The following FAT3 variants were observed in gnomAD, a reference collection of about 807,000 sequenced individuals.
The protein encoded by FAT3 is FAT atypical cadherin 3, also known as protocadherin Fat 3.
Under a neutral mutation model 310.2 loss-of-function variants are expected in FAT3, and 95 were observed. That is an observed-to-expected ratio of 0.31 (90% confidence interval 0.26 to 0.36). The LOEUF (loss-of-function observed/expected upper bound fraction) is 0.36, where lower values mean the gene tolerates loss of function less well. Among genes scored for constraint, FAT3 ranks in the 10% least tolerant of loss-of-function variants. The pLI is 1.00. For synonymous variants in FAT3, 2,314 were observed against 2,192.9 expected, an observed-to-expected ratio of 1.06 and a Z score of -1.54; for missense variants, 5,408 against 5,715.6, an observed-to-expected ratio of 0.95 and a Z score of 1.74.
rs145580535 is a variant in FAT3, at chr11:92,417,384, A to T, written c.3292+61980A>T. ...TTAGGTGCATTGCTGAGTTATGGGG[A>T]TAACAAAATGAGAAGATATGGTCTC... On this transcript the variant is annotated intron_variant, in intron 2 of 27. Coordinates refer to ENST00000525166, the MANE Select transcript of FAT3 (RefSeq NM_001367949.2). 1.8e-3 allele frequency among the ~76,000 whole-genome samples: 273 copies of T among 152,300 alleles called. 1 individual carries two copies. Among genetic ancestry groups the T allele is most frequent in the African/African-American group, 6.3e-3 (261 of 41,560 alleles).
intron 3 of FAT3, among the ~76,000 whole-genome samples, chr11:92,548,603 T>A (rs956519804): frequency 2.0e-4 from 31 of 152,226 alleles, no homozygotes; most frequent in African/African-American, 7.5e-4. Flanking sequence ...TTTCAAAGCA[T>A]TTTGTAATTT....
At chr11:92,557,417 T>C (rs1313792109) in intron 3 of FAT3, among the ~76,000 whole-genome samples, 1 of 152,194 alleles carries the variant, frequency 6.6e-6, no homozygotes, top group East Asian at 1.9e-4. Flanking sequence ...CAAGGAGCTG[T>C]TCAGATTACT....
At chr11:92,281,250 T>C (rs750297010) in intron 1 of FAT3, among the ~76,000 whole-genome samples, 7 of 152,128 alleles carry the variant, frequency 4.6e-5, no homozygotes, top group Non-Finnish European at 1.0e-4. Context: ...GAAGAGAGAT[T>C]GCAAAAGCTC....
At chr11:92,532,533 C>A (rs1318755507) in intron 3 of FAT3, among the ~76,000 whole-genome samples, 3 of 152,018 alleles carry the variant, frequency 2.0e-5, no homozygotes, top group African/African-American at 7.2e-5. Flanking sequence ...TTTAAAGGCT[C>A]TATGAATACT....
intron 4 of FAT3, among the ~76,000 whole-genome samples, chr11:92,728,779 G>A (rs1945079522): frequency 6.6e-6 from 1 of 152,040 alleles, no homozygotes; most frequent in Non-Finnish European, 1.5e-5. Flanking sequence ...CAGCATCCCT[G>A]ACTTGTGGCC....
rs1955169325 is a variant in FAT3 at position 92,560,126 on chromosome 11, C to T, written c.3607+35178C>T. 2.0e-5 allele frequency among the ~76,000 whole-genome samples: 3 copies of T among 152,088 alleles called. No individual in the cohort carries two copies. In the South Asian group the frequency reaches 6.2e-4, roughly 32 times the overall value. On this transcript the variant is annotated intron_variant, in intron 3 of 27. Transcript: ENST00000525166. ...CACACACTCCTTAAAACTCATCTGA[C>T]TTTTTGTTTTTAGCCATCATACTGG...
chr11:92,855,980 CTTT>C lies in FAT3; in HGVS notation c.11366-1218_11366-1216del, dbSNP rs58995060. Among the ~76,000 whole-genome samples the C allele has an allele frequency of 3.1e-3, 397 of 129,184 alleles. 1 individual carries two copies. The highest frequency in any genetic ancestry group is 7.1e-3 in the African/African-American group (245 of 34,690). 84.7% of individuals were successfully genotyped at this position (129,184 alleles called of 152,430 possible). Reference sequence around the variant, plus strand: ...AATGACTGTACCTTGGGACAATATGCTTTTTTTTTTTTTTTTTTGAGACAGGGT... The same window carrying C: ...AATGACTGTACCTTGGGACAATATGCTTTTTTTTTTTTTTTGAGACAGGGT... On this transcript the variant is annotated intron_variant, in intron 19 of 27. Transcript: ENST00000525166.
intron 3 of FAT3, among the ~76,000 whole-genome samples, chr11:92,626,884 C>T (rs1206329830): frequency 6.6e-6 from 1 of 152,092 alleles, no homozygotes; most frequent in Non-Finnish European, 1.5e-5. Flanking sequence ...ATGGAGGGAG[C>T]CCCCATCATT....
intron 19 of FAT3, among the ~76,000 whole-genome samples, chr11:92,853,600 G>A (rs942035159): frequency 6.6e-6 from 1 of 152,166 alleles, no homozygotes; most frequent in African/African-American, 2.4e-5. Context: ...GGTGAGCAAG[G>A]TGGAGAGGAG....
chr11:92,842,706 T>TACAAAA (rs2136287128), intron 18 of FAT3, among the ~76,000 whole-genome samples: 1 of 152,106 alleles, frequency 6.6e-6, no homozygotes, highest in East Asian at 1.9e-4. Flanking sequence ...GCCTCATCTC[T>TACAAAA]ACAAAAACAA....
chr11:92,594,871 C>T (rs1246731743), intron 3 of FAT3, among the ~76,000 whole-genome samples: 2 of 151,982 alleles, frequency 1.3e-5, no homozygotes. Context: ...TCTAAATGGG[C>T]ATGAGGTAGA....
At chr11:92,396,863 C>A (rs544442307) in intron 2 of FAT3, among the ~76,000 whole-genome samples, 1 of 152,082 alleles carries the variant, frequency 6.6e-6, no homozygotes, top group African/African-American at 2.4e-5. Context: ...CCCACCACCA[C>A]ACCCAGCTAA....
At chr11:92,421,771 C>A (rs1483494765) in intron 2 of FAT3, among the ~76,000 whole-genome samples, 1 of 152,160 alleles carries the variant, frequency 6.6e-6, no homozygotes, top group Non-Finnish European at 1.5e-5. Flanking sequence ...CTCTCCGTCT[C>A]TAAGTGGGGT....
At chr11:92,539,086 C>T (rs1208837102) in intron 3 of FAT3, among the ~76,000 whole-genome samples, 1 of 152,116 alleles carries the variant, frequency 6.6e-6, no homozygotes, top group Non-Finnish European at 1.5e-5. Flanking sequence ...TTTATAAAGA[C>T]ATGCTTCATC....
chr11:92,798,687 T>C lies in FAT3; in HGVS notation c.5674T>C (p.Leu1892=). The C allele has an allele frequency of 6.2e-7, 1 of 1,613,790 alleles. No homozygotes were observed. Among genetic ancestry groups the C allele is most frequent in the Middle Eastern group, 1.6e-4 (1 of 6,062 alleles). ...VFTQAVFETI[L]LLPTYVGVEV... is the part of the protein sequence containing the mutation. ...TACTCAGGCTGTGTTTGAGACTATC[T>C]TACTTCTACCTACCTATGTTGGAGT... is the stretch of plus-strand genomic sequence containing the variant. Residue 1892 remains leucine (L), a synonymous_variant, in exon 10 of 28, where the codon TTA becomes CTA. Coordinates refer to ENST00000525166, the MANE Select transcript of FAT3 (RefSeq NM_001367949.2).
chr11:92,668,531 C>T (rs1306043512), intron 3 of FAT3, among the ~76,000 whole-genome samples: 2 of 152,158 alleles, frequency 1.3e-5, no homozygotes, highest in Admixed American at 1.3e-4. Flanking sequence ...GTGTTGGACT[C>T]ACAAATATGG....
intron 1 of FAT3, among the ~76,000 whole-genome samples, chr11:92,324,068 G>A (rs1947702462): frequency 6.6e-6 from 1 of 152,192 alleles, no homozygotes; most frequent in African/African-American, 2.4e-5. Flanking sequence ...ATTGAAGAAA[G>A]TTAGGGCCTT....
chr11:92,466,649 G>A (rs1361847582), intron 2 of FAT3, among the ~76,000 whole-genome samples: 1 of 150,688 alleles, frequency 6.6e-6, no homozygotes, highest in Non-Finnish European at 1.5e-5. Context: ...AATTACATAT[G>A]TATACATGTG....
intron 4 of FAT3, among the ~76,000 whole-genome samples, chr11:92,758,143 C>T (rs925131834): frequency 2.0e-5 from 3 of 152,154 alleles, no homozygotes; most frequent in African/African-American, 7.2e-5. Flanking sequence ...TTCTTGATTT[C>T]ATAGAATATT....
Sources: allele counts gnomAD v4.1 joint callset (sites outside exome capture counted in the v4.1 genomes callset), GRCh38; gene constraint gnomAD v4.1.1; transcripts MANE v1.5; gene names NCBI Gene and HGNC (gene_info 2026-07-23, HGNC 2026-07-21).